NPFFR2: variants seen among roughly 807,000 people sequenced by gnomAD.
NPFFR2 encodes neuropeptide FF receptor 2, also known as G-protein coupled receptor 74.
In NPFFR2, 15 loss-of-function variants were observed where a neutral mutation model predicts 13.1. That is an observed-to-expected ratio of 1.15 (90% confidence interval 0.77 to 1.76). The LOEUF is 1.76. NPFFR2 is among the 40% of genes most tolerant of loss of function. The pLI, the probability that NPFFR2 is intolerant of heterozygous loss-of-function variation, is 0.00. For synonymous variants in NPFFR2, 190 were observed against 175.7 expected (o/e 1.08, Z -0.65); for missense variants, 572 against 503.5 (o/e 1.14, Z -1.30).
At chr4:72,106,039 G>C (rs1236604111) in intron 1 of NPFFR2, among the ~76,000 whole-genome samples, 1 of 152,040 alleles carries the variant, frequency 6.6e-6, no homozygotes, top group Non-Finnish European at 1.5e-5. Context: ...CAGGATTAGA[G>C]AGAACAGTTT....
chr4:72,140,160 G>A (rs997388697), intron 3 of NPFFR2, among the ~76,000 whole-genome samples: 1 of 152,172 alleles, frequency 6.6e-6, no homozygotes, highest in African/African-American at 2.4e-5. Context: ...ATTTTGGGCT[G>A]AGATTATGGG....
At chr4:72,075,620 A>C (rs1000492270) in intron 1 of NPFFR2, among the ~76,000 whole-genome samples, 5 of 152,068 alleles carry the variant, frequency 3.3e-5, no homozygotes, top group African/African-American at 1.2e-4. Context: ...ACCCAATAAC[A>C]ATAGGATACA....
intron 1 of NPFFR2, among the ~76,000 whole-genome samples, chr4:72,065,954 A>G (rs1392522155): frequency 6.6e-6 from 1 of 152,152 alleles, no homozygotes; most frequent in Non-Finnish European, 1.5e-5. Context: ...CCTACTTGAT[A>G]TTTTGCCTCA....
At chr4:72,113,369 T>C (rs1721619423) in intron 1 of NPFFR2, among the ~76,000 whole-genome samples, 1 of 152,052 alleles carries the variant, frequency 6.6e-6, no homozygotes, top group African/African-American at 2.4e-5. Flanking sequence ...AGCCAGGGGA[T>C]AGAAATTGTT....
At chr4:72,097,928 T>A (rs1169696744) in intron 1 of NPFFR2, among the ~76,000 whole-genome samples, 2 of 152,114 alleles carry the variant, frequency 1.3e-5, no homozygotes, top group Admixed American at 6.6e-5. Context: ...TTCTGACCTT[T>A]CAGATAGAGC....
At chr4:72,079,962 T>C (rs1720558493) in intron 1 of NPFFR2, among the ~76,000 whole-genome samples, 1 of 152,148 alleles carries the variant, frequency 6.6e-6, no homozygotes, top group African/African-American at 2.4e-5. Context: ...ACTTCCCCTC[T>C]TCCCTTCTGA....
chr4:72,124,193 T>C (rs981913897), intron 1 of NPFFR2, among the ~76,000 whole-genome samples: 1 of 152,084 alleles, frequency 6.6e-6, no homozygotes, highest in African/African-American at 2.4e-5. Context: ...TACCTAGGAA[T>C]ACAACTTACA....
In NPFFR2 at chr4:72,137,964, C is replaced by G. The variant is rs148393456; in HGVS notation, c.329-76C>G. The G allele has an allele frequency of 8.0e-4, 936 of 1,165,636 alleles. 7 individuals are homozygous for G. The African/African-American group carries it at 0.013, about 16-fold the overall frequency. 72.2% of individuals were successfully genotyped at this position (1,165,636 alleles called of 1,614,324 possible). On this transcript the variant is annotated intron_variant, in intron 2 of 3. Transcript: ENST00000308744. ...AAAACAGTTACATTAGTCTCGTTTC[C>G]ACAACTTTCTATTTTCATTTTCAGT...
chr4:72,134,940 T>C (rs1484264010), intron 2 of NPFFR2, among the ~76,000 whole-genome samples: 3 of 152,120 alleles, frequency 2.0e-5, no homozygotes, highest in African/African-American at 4.8e-5. Context: ...GTTTATTCCT[T>C]TCTGAGAAAT....
intron 1 of NPFFR2, among the ~76,000 whole-genome samples, chr4:72,054,262 GTGT>G (rs2109768365): frequency 6.6e-6 from 1 of 152,018 alleles, no homozygotes; most frequent in Non-Finnish European, 1.5e-5. Context: ...AATTGAGACA[GTGT>G]TGTTGGTGTA....
chr4:72,147,333 T>A lies in NPFFR2; in HGVS notation c.784T>A (p.Trp262Arg). Residue 262 changes from tryptophan to arginine, a missense_variant, in exon 4 of 4, where the codon TGG becomes AGG. Physicochemically the swap from Trp to Arg is moderately radical, Grantham distance 101 (BLOSUM62 -3). Transcript: ENST00000308744. The stretch of plus-strand genomic sequence containing the variant: ...CACAGGCAGGAAGAACCAGGAGCAG[T>A]GGCACGTGGTGTCCAGGAAGAAGCA... ...PHTGRKNQEQ[W>R]HVVSRKKQKI... The A allele has an allele frequency of 6.2e-7, 1 of 1,614,136 alleles. No individual in the cohort carries two copies. Among genetic ancestry groups the A allele is most frequent in the East Asian group, 2.2e-5 (1 of 44,880 alleles).
intron 1 of NPFFR2, among the ~76,000 whole-genome samples, chr4:72,051,890 T>C (rs1719595306): frequency 6.7e-6 from 1 of 149,504 alleles, no homozygotes; most frequent in Non-Finnish European, 1.5e-5. Context: ...AACTAGAAAA[T>C]CTAGAAGAAA....
intron 1 of NPFFR2, among the ~76,000 whole-genome samples, chr4:72,070,560 TGGG>T (rs748172308): frequency 0.15 from 1,561 of 10,376 alleles, 45 homozygotes; most frequent in Non-Finnish European, 0.3. Context: ...TGTGTGTGTG[TGGG>T]GGGGGGGGGT....
intron 1 of NPFFR2, among the ~76,000 whole-genome samples, chr4:72,123,072 A>C (rs539473453): frequency 4.7e-4 from 72 of 152,238 alleles, no homozygotes; most frequent in Non-Finnish European, 8.5e-4. Flanking sequence ...TAAAGGGGAT[A>C]TCATCACTGA....
At chr4:72,141,359 G>T (rs1227250407) in intron 3 of NPFFR2, among the ~76,000 whole-genome samples, 2 of 151,910 alleles carry the variant, frequency 1.3e-5, no homozygotes, top group Admixed American at 6.6e-5. Flanking sequence ...GTTAGGGTGT[G>T]GATTTTAGAT....
intron 1 of NPFFR2, among the ~76,000 whole-genome samples, chr4:72,089,382 T>G (rs1273095589): frequency 6.6e-6 from 1 of 152,140 alleles, no homozygotes; most frequent in Non-Finnish European, 1.5e-5. Flanking sequence ...CTACTTTTAG[T>G]TCTTAAAGGA....
At position 72,128,628 on chromosome 4, in the gene NPFFR2, T is replaced by C. The variant is rs746585454; in HGVS notation, c.37T>C (p.Trp13Arg). ...EKWDTNSSENWHPIWNVNDTK... is the reference protein window; with the variant it reads ...EKWDTNSSENRHPIWNVNDTK... ...ATGGGACACAAACTCTTCAGAAAAC[T>C]GGCATCCCATCTGGAATGTCAATGA... The change falls in exon 2 of 4, where the codon TGG (tryptophan) becomes CGG (arginine). Residue 13 changes from tryptophan to arginine, a missense_variant. Physicochemically the swap from Trp to Arg is moderately radical, Grantham distance 101. Transcript: ENST00000308744. The C allele has an allele frequency of 6.2e-7, 1 of 1,611,950 alleles. No individual in the cohort carries two copies. The highest frequency in any genetic ancestry group is 8.5e-7 in the Non-Finnish European group (1 of 1,178,278).
chr4:72,146,953 C>T (rs2109851714), intron 3 of NPFFR2, 25 bp from the exon 4 acceptor site: 1 of 1,514,438 alleles, frequency 6.6e-7, no homozygotes, highest in East Asian at 2.3e-5. Context: ...AGCAGTGCCT[C>T]ATTTATATTT....
chr4:72,123,406 C>G (rs1458375316), intron 1 of NPFFR2, among the ~76,000 whole-genome samples: 2 of 152,224 alleles, frequency 1.3e-5, no homozygotes, highest in Admixed American at 1.3e-4. Flanking sequence ...TCCTCCCTAA[C>G]TCATGGAATG....
Sources: allele counts gnomAD v4.1 joint callset (sites outside exome capture counted in the v4.1 genomes callset), GRCh38; gene constraint gnomAD v4.1.1; transcripts MANE v1.5; gene names NCBI Gene and HGNC (gene_info 2026-07-23, HGNC 2026-07-21).